HSPA4L: variants seen among roughly 807,000 people sequenced by gnomAD.
The protein encoded by HSPA4L is heat shock protein family A (Hsp70) member 4 like.
HSPA4L carries 48 observed loss-of-function variants against 100.3 expected under a neutral mutation model. That is an observed-to-expected ratio of 0.48 (90% CI 0.38 to 0.61). The LOEUF is 0.61. HSPA4L is among the 20% of genes least tolerant of loss of function. The probability of loss-of-function intolerance (pLI) is 0.00; values close to 1 mark genes in which losing one functional copy is unlikely to be tolerated. For missense variants in HSPA4L, 886 were observed against 988.6 expected (o/e 0.90, Z 1.39); for synonymous variants, 319 against 328.2 (o/e 0.97, Z 0.30).
chr4:127,803,590 T>C, intron 6 of HSPA4L, 39 bp from the exon 7 acceptor site: 1 of 1,468,222 alleles, frequency 6.8e-7, no homozygotes, highest in African/African-American at 1.4e-5. Flanking sequence ...GAAGAATCTA[T>C]ATTTCTGAAA....
chr4:127,825,114 T>C (rs1428830720), intron 16 of HSPA4L, among the ~76,000 whole-genome samples: 1 of 150,442 alleles, frequency 6.6e-6, no homozygotes, highest in Admixed American at 6.6e-5. Flanking sequence ...CACTCCAGCC[T>C]GGGCGACAGA....
chr4:127,818,273 A>T (rs1733723236), intron 12 of HSPA4L, 52 bp from the exon 13 acceptor site: 1 of 1,296,502 alleles, frequency 7.7e-7, no homozygotes, highest in Non-Finnish European at 1.1e-6. Context: ...TTACATTTTT[A>T]AAACAAAAAA....
At position 127,840,501 on chromosome 4, in the gene HSPA4L, CT is replaced by C. The variant is rs747458288; in HGVS notation, c.*7629del. ...AGCAGACATGAGAATGGTTTATGAT[CT>C]TAAGTTGGTAACATAGGAATATGTA... is the stretch of plus-strand genomic sequence containing the variant. On this transcript the variant is annotated 3_prime_UTR_variant, in exon 19 of 19. Coordinates refer to ENST00000296464, the MANE Select transcript of HSPA4L (RefSeq NM_014278.4). The C allele has an allele frequency of 6.6e-6, 1 of 152,114 alleles. No individual in the cohort carries two copies. Among genetic ancestry groups the C allele is most frequent in the Non-Finnish European group, 1.5e-5 (1 of 68,006 alleles). 9.4% of individuals were successfully genotyped at this position (152,114 alleles called of 1,614,324 possible). A position where few individuals can be genotyped will look rare whatever the true frequency, so the allele number is the denominator to read the frequency against.
intron 12 of HSPA4L, among the ~76,000 whole-genome samples, chr4:127,815,373 C>T (rs937934102): frequency 1.1e-4 from 17 of 151,828 alleles, no homozygotes; most frequent in Admixed American, 8.5e-4. Context: ...CATCAGGCTC[C>T]GGGTACTTAC....
chr4:127,798,735 C>T (rs1733093171), intron 4 of HSPA4L, 26 bp downstream of exon 4: 6 of 1,605,976 alleles, frequency 3.7e-6, no homozygotes, highest in Non-Finnish European at 5.1e-6. Flanking sequence ...GTAATGAATA[C>T]CCTTGAATTA....
rs1474421273 is a variant in HSPA4L, at chr4:127,834,527, CTT to C, written c.*1654_*1655del. 3 of 152,186 alleles carry C rather than the reference CTT, an allele frequency of 2.0e-5. No homozygotes were observed. Among genetic ancestry groups the C allele is most frequent in the African/African-American group, 4.8e-5 (2 of 41,536 alleles). The allele number at this position is 152,186 out of a possible 1,614,324, so 9.4% of individuals were successfully genotyped here. On this transcript the variant is annotated 3_prime_UTR_variant, in exon 19 of 19. Coordinates refer to ENST00000296464, the MANE Select transcript of HSPA4L (RefSeq NM_014278.4). ...TTTTTGCATTAAAAAATCATATAAA[CTT>C]AATATATTTTTAAACTCTCCTAGTC...
At chr4:127,805,960 G>T (rs1038734993) in intron 10 of HSPA4L, among the ~76,000 whole-genome samples, 167 bp downstream of exon 10, 3 of 151,652 alleles carry the variant, frequency 2.0e-5, no homozygotes, top group African/African-American at 7.3e-5. Context: ...ATCATAATTG[G>T]GCATATTTTT....
intron 16 of HSPA4L, among the ~76,000 whole-genome samples, chr4:127,825,116 G>A (rs1733916368): frequency 6.6e-6 from 1 of 151,858 alleles, no homozygotes; most frequent in Non-Finnish European, 1.5e-5. Context: ...CTCCAGCCTG[G>A]GCGACAGAAT....
At chr4:127,823,659 AG>A (rs1303768594) in intron 16 of HSPA4L, 35 bp downstream of exon 16, 1 of 1,366,832 alleles carries the variant, frequency 7.3e-7, no homozygotes, top group Non-Finnish European at 1.0e-6. Flanking sequence ...AGTATAAACC[AG>A]TAACTTTTTC....
intron 12 of HSPA4L, chr4:127,813,285 A>C (rs1159898897): frequency 2.8e-6 from 2 of 713,412 alleles, no homozygotes; most frequent in Non-Finnish European, 4.9e-6. Context: ...CCCTTTTTTT[A>C]AGGTTGCTTT....
At chr4:127,811,808 A>G (rs1419875613) in intron 12 of HSPA4L, among the ~76,000 whole-genome samples, 172 bp downstream of exon 12, 7 of 152,134 alleles carry the variant, frequency 4.6e-5, no homozygotes, top group African/African-American at 1.7e-4. Flanking sequence ...GAATAATACT[A>G]TTTTCAATGC....
In HSPA4L at chr4:127,820,517, A is replaced by C. The variant is rs565463033; in HGVS notation, c.1764A>C (p.Leu588=). The C allele has an allele frequency of 1.2e-6, 2 of 1,602,642 alleles. No individual in the cohort carries two copies. Among genetic ancestry groups the C allele is most frequent in the Non-Finnish European group, 1.7e-6 (2 of 1,175,288 alleles). Residue 588 remains leucine (L), a synonymous_variant, in exon 14 of 19, where the codon CTA becomes CTC. Coordinates refer to ENST00000296464, the MANE Select transcript of HSPA4L (RefSeq NM_014278.4). ...KSIDLPIQSS[L]CRQLGQDLLN... ...TTGATCTACCGATCCAGAGTAGCCT[A>C]TGTAGACAACTAGGCCAAGATCTTC...
chr4:127,822,765 A>G lies in HSPA4L; in HGVS notation c.1813-4A>G. On this transcript the variant is annotated splice_polypyrimidine_tract_variant and splice_region_variant and intron_variant, in intron 14 of 18. Coordinates refer to ENST00000296464, the MANE Select transcript of HSPA4L (RefSeq NM_014278.4). The stretch of plus-strand genomic sequence containing the variant: ...TGGCAACTAATCTGAAGCTTTTTGA[A>G]TAGGGGAAGATGATCATGCAAGATA... 6.2e-7 allele frequency: 1 copy of G among 1,611,710 alleles called. No individual in the cohort carries two copies. The highest frequency in any genetic ancestry group is 8.5e-7 in the Non-Finnish European group (1 of 1,179,308).
In HSPA4L at chr4:127,838,303, A is replaced by G. The variant is rs1300713524; in HGVS notation, c.*5429A>G. 1 of 152,220 alleles carries G rather than the reference A, an allele frequency of 6.6e-6. No individual in the cohort carries two copies. Among genetic ancestry groups the G allele is most frequent in the Non-Finnish European group, 1.5e-5 (1 of 68,024 alleles). The allele number at this position is 152,220 out of a possible 1,614,324, so 9.4% of individuals were successfully genotyped here. A position where few individuals can be genotyped will look rare whatever the true frequency, so the allele number is the denominator to read the frequency against. Reference sequence around the variant, plus strand: ...CTAAATGTCTGTGGAAGTGATCAGTATTAAGTGGGTGATGGCTCTTTCATC... The same window carrying G: ...CTAAATGTCTGTGGAAGTGATCAGTGTTAAGTGGGTGATGGCTCTTTCATC... On this transcript the variant is annotated 3_prime_UTR_variant, in exon 19 of 19. Coordinates refer to ENST00000296464, the MANE Select transcript of HSPA4L (RefSeq NM_014278.4).
chr4:127,827,147 A>G (rs1052973846), intron 16 of HSPA4L, among the ~76,000 whole-genome samples, 158 bp from the exon 17 acceptor site: 1 of 152,076 alleles, frequency 6.6e-6, no homozygotes, highest in African/African-American at 2.4e-5. Flanking sequence ...GGATTGAGGA[A>G]GTAGCTACTG....
intron 1 of HSPA4L, among the ~76,000 whole-genome samples, chr4:127,784,202 T>C (rs1203282511): frequency 6.6e-6 from 1 of 152,250 alleles, no homozygotes; most frequent in Admixed American, 6.5e-5. Flanking sequence ...TTTGGCTTCA[T>C]TGACTCTCAA....
intron 16 of HSPA4L, among the ~76,000 whole-genome samples, chr4:127,824,357 CAGT>C (rs1341204595): frequency 6.6e-6 from 1 of 152,068 alleles, no homozygotes; most frequent in Non-Finnish European, 1.5e-5. Flanking sequence ...GATAGATACA[CAGT>C]AGTGAGATTG....
At chr4:127,814,853 C>A (rs1021738371) in intron 12 of HSPA4L, among the ~76,000 whole-genome samples, 1 of 152,170 alleles carries the variant, frequency 6.6e-6, no homozygotes, top group East Asian at 1.9e-4. Flanking sequence ...GCGTGAGCCA[C>A]CGTGCCCGGC....
intron 10 of HSPA4L, 118 bp from the exon 11 acceptor site, chr4:127,807,878 A>T: frequency 1.0e-6 from 1 of 966,972 alleles, no homozygotes; most frequent in Non-Finnish European, 1.5e-6. Context: ...TTTTCTTTTT[A>T]TTTGTGCAGA....
Sources: gnomAD v4.1 joint callset for allele counts (sites outside exome capture counted in the v4.1 genomes callset) on GRCh38, gnomAD v4.1.1 for gene constraint, MANE v1.5 for transcripts, NCBI Gene and HGNC (gene_info 2026-07-23, HGNC 2026-07-21) for gene names.